HELZ: variants seen among roughly 807,000 people sequenced by gnomAD.
The protein encoded by HELZ is helicase with zinc finger.
In HELZ, 23 loss-of-function variants were observed where a neutral mutation model predicts 218.2. That is an observed-to-expected ratio of 0.11 (90% CI 0.08 to 0.15). HELZ has a LOEUF of 0.15. HELZ is among the 10% of genes least tolerant of loss of function. The probability of loss-of-function intolerance (pLI) is 1.00; values close to 1 mark genes in which losing one functional copy is unlikely to be tolerated. For missense variants in HELZ, 1,813 were observed against 2,353.7 expected (o/e 0.77, Z 4.75); for synonymous variants, 814 against 829.4 (o/e 0.98, Z 0.32).
intron 24 of HELZ, among the ~76,000 whole-genome samples, chr17:67,125,598 A>C (rs1255544928): frequency 6.6e-6 from 1 of 151,954 alleles, no homozygotes; most frequent in African/African-American, 2.4e-5. Context: ...ATGACTCAAC[A>C]ACCAGGGACA....
At chr17:67,114,678 T>C (rs2037378248) in intron 27 of HELZ, among the ~76,000 whole-genome samples, 2 of 152,166 alleles carry the variant, frequency 1.3e-5, no homozygotes, top group Non-Finnish European at 2.9e-5. Context: ...AACTACCCAA[T>C]CTCCAGGAAT....
At chr17:67,195,555 A>C in intron 7 of HELZ, 85 bp from the exon 8 acceptor site, 1 of 787,030 alleles carries the variant, frequency 1.3e-6, no homozygotes, top group Non-Finnish European at 2.2e-6. Flanking sequence ...TATTAAAACA[A>C]AGGTGAAGTT....
chr17:67,245,457 T>A, upstream of HELZ: 9 of 985,288 alleles, frequency 9.1e-6, no homozygotes, highest in Non-Finnish European at 1.1e-5. Flanking sequence ...CCACGCCCGG[T>A]CCTCTCGCCT....
intron 32 of HELZ, among the ~76,000 whole-genome samples, chr17:67,081,858 A>G (rs1226927819): frequency 6.6e-6 from 1 of 152,142 alleles, no homozygotes; most frequent in African/African-American, 2.4e-5. Flanking sequence ...CTTTAGCTAG[A>G]TTACTTTGGA....
At chr17:67,189,536 C>G (rs566577203) in intron 11 of HELZ, 53 bp downstream of exon 11, 8 of 1,156,100 alleles carry the variant, frequency 6.9e-6, no homozygotes, top group African/African-American at 4.6e-5. Context: ...GTCAAAAAAA[C>G]GTTCAGAAAA....
chr17:67,188,445 C>A lies in HELZ; in HGVS notation c.1036G>T (p.Val346Leu). 2 of 1,613,920 alleles carry A rather than the reference C, an allele frequency of 1.2e-6. No individual in the cohort carries two copies. The highest frequency in any genetic ancestry group is 1.7e-6 in the Non-Finnish European group (2 of 1,179,858). Residue 346 changes from valine (V) to leucine (L), a missense_variant, in exon 12 of 33, where the codon GTG becomes TTG. Transcript: ENST00000358691. The surrounding 1 kb of genome is among the most constrained non-coding windows in gnomAD (Gnocchi z 4.1). ...KMAQNGLDHY[V>L]YKVGIAFNTE... ...TTAAATGCTATCCCGACTTTATACA[C>A]GTAATGATCTAATCCATTTTGGGCC...
Position 67,244,946 on chromosome 17 carries a change from T to A in HELZ, c.-132+202A>T, listed in dbSNP as rs998212231. ...GGGGACTAAGTAGGGGAAGAAGCTG[T>A]AAACAGCCCCAGCGTCCGGGCCTCG... On this transcript the variant is annotated intron_variant, in intron 1 of 32. Coordinates refer to ENST00000358691, the MANE Select transcript of HELZ (RefSeq NM_014877.4). The A allele has an allele frequency of 7.1e-6, 7 of 985,800 alleles. No individual in the cohort carries two copies. The East Asian group carries it at 5.7e-4, about 81-fold the overall frequency. The allele number at this position is 985,800 out of a possible 1,614,324, so 61.1% of individuals were successfully genotyped here. A position where few individuals can be genotyped will look rare whatever the true frequency, so the allele number is the denominator to read the frequency against.
At chr17:67,082,271 A>G (rs1322311087) in intron 32 of HELZ, among the ~76,000 whole-genome samples, 1 of 152,262 alleles carries the variant, frequency 6.6e-6, no homozygotes, top group Non-Finnish European at 1.5e-5. Flanking sequence ...TTAGTGAGGT[A>G]GCTCTATCCT....
intron 17 of HELZ, among the ~76,000 whole-genome samples, chr17:67,156,450 GT>G (rs1325534205): frequency 6.6e-6 from 1 of 152,028 alleles, no homozygotes; most frequent in Non-Finnish European, 1.5e-5. Flanking sequence ...GTTCTCTCCA[GT>G]TACCAACCTC....
chr17:67,193,246 G>A (rs1321813787), intron 9 of HELZ, among the ~76,000 whole-genome samples: 4 of 150,964 alleles, frequency 2.6e-5, no homozygotes, highest in African/African-American at 7.3e-5. Context: ...TTGGGAGGCT[G>A]AGGTGAGAGG....
chr17:67,203,808 G>C (rs920027469), intron 5 of HELZ, among the ~76,000 whole-genome samples: 3 of 152,150 alleles, frequency 2.0e-5, no homozygotes, highest in African/African-American at 7.2e-5. Context: ...ACATAAGACT[G>C]GGTGCCATTA....
At chr17:67,245,780 TAAAAA>T (rs1221081252), upstream of HELZ, 1 of 148,516 alleles carries the variant, frequency 6.7e-6, no homozygotes, top group Non-Finnish European at 1.5e-5. Context: ...AAGCACGATT[TAAAAA>T]AAAAAATTGA....
chr17:67,168,267 C>G (rs185293750), intron 13 of HELZ, among the ~76,000 whole-genome samples: 5 of 152,258 alleles, frequency 3.3e-5, no homozygotes, highest in Admixed American at 2.0e-4. Flanking sequence ...ATGTGAGCCA[C>G]CATGCCTGGT....
In HELZ at chr17:67,108,994, T is replaced by TGG; in HGVS notation, c.4489+120_4489+121dup. On this transcript the variant is annotated intron_variant, in intron 29 of 32. Transcript: ENST00000358691. This position sits in a 1 kb window ranked among gnomAD's most constrained non-coding sequence, Gnocchi z 4.1. ...ACTAGTTTCTGATTATCACACTAAA[T>TGG]GGGGGGGTTTTGCTAGCATTATTTG... The TGG allele has an allele frequency of 1.2e-6, 1 of 806,108 alleles. No individual in the cohort carries two copies. The highest frequency in any genetic ancestry group is 1.7e-5 in the African/African-American group (1 of 58,162). 49.9% of individuals were successfully genotyped at this position (806,108 alleles called of 1,614,324 possible). A position where few individuals can be genotyped will look rare whatever the true frequency, so the allele number is the denominator to read the frequency against.
At position 67,086,981 on chromosome 17, in the gene HELZ, A is replaced by G; in HGVS notation, c.5342T>C (p.Leu1781Pro). ...GTCCTGAAGCTCTTTACACTGAGCC[A>G]GACTGTCTTGAGGAGTGCTTACTTC... is the stretch of plus-strand genomic sequence containing the variant. ...SEEVSTPQDS[L>P]AQCKELQDHS... is the part of the protein sequence containing the mutation. The change falls in exon 32 of 33, where the codon CTG becomes CCG. Residue 1781 changes from leucine (L) to proline (P), a missense_variant. Around this residue, in one of 4 missense-constraint regions of HELZ, gnomAD observed 938 missense variants for 1,027.5 expected, o/e 0.91. Coordinates refer to ENST00000358691, the MANE Select transcript of HELZ (RefSeq NM_014877.4). 1 of 1,614,062 alleles carries G rather than the reference A, an allele frequency of 6.2e-7. No homozygotes were observed.
intron 32 of HELZ, among the ~76,000 whole-genome samples, chr17:67,079,822 A>G (rs1184963292): frequency 6.6e-6 from 1 of 152,152 alleles, no homozygotes; most frequent in Non-Finnish European, 1.5e-5. Flanking sequence ...TTCCTTGTTT[A>G]TTACCTATTT....
At chr17:67,156,127 TA>T (rs757624504) in intron 17 of HELZ, among the ~76,000 whole-genome samples, 3 of 150,864 alleles carry the variant, frequency 2.0e-5, no homozygotes, top group Non-Finnish European at 3.0e-5. Flanking sequence ...CTAGGTTAAT[TA>T]AAAAAAACAA....
intron 3 of HELZ, among the ~76,000 whole-genome samples, chr17:67,237,453 C>A (rs1298255537): frequency 6.6e-6 from 1 of 152,166 alleles, no homozygotes; most frequent in Non-Finnish European, 1.5e-5. Flanking sequence ...TCAAGGCTAA[C>A]TTGCTGACTT....
intron 5 of HELZ, among the ~76,000 whole-genome samples, chr17:67,208,389 AT>A (rs1333821703): frequency 6.6e-6 from 1 of 152,190 alleles, no homozygotes; most frequent in African/African-American, 2.4e-5. Context: ...GAATACACAC[AT>A]TCCTTGTACT....
Sources: allele counts gnomAD v4.1 joint callset (sites outside exome capture counted in the v4.1 genomes callset), GRCh38; gene constraint gnomAD v4.1.1; regional missense constraint gnomAD v4.1.1; non-coding constraint Gnocchi (gnomAD v3.1); transcripts MANE v1.5; gene names NCBI Gene and HGNC (gene_info 2026-07-23, HGNC 2026-07-21).